The following UBE2R2 variants were observed in gnomAD, a reference collection of about 807,000 sequenced individuals.
UBE2R2 encodes ubiquitin-conjugating enzyme E2 R2.
Under a neutral mutation model 27.8 loss-of-function variants are expected in UBE2R2, and 1 was observed. The observed-to-expected ratio is 0.04, with a 90% CI of 0.01 to 0.17. UBE2R2 has a LOEUF of 0.17. UBE2R2 is among the 10% of genes least tolerant of loss of function. UBE2R2 has a pLI of 1.00. For synonymous variants in UBE2R2, 106 were observed against 113.3 expected (o/e 0.94, Z 0.41); for missense variants, 100 against 291.0 (o/e 0.34, Z 4.78).
intron 4 of UBE2R2, among the ~76,000 whole-genome samples, chr9:33,915,885 T>A (rs1471124751): frequency 1.3e-5 from 2 of 152,094 alleles, no homozygotes; most frequent in Non-Finnish European, 2.9e-5. Context: ...AGGTGATATT[T>A]AAGCCTTAAT....
chr9:33,897,778 T>TC (rs1215605360), intron 2 of UBE2R2, among the ~76,000 whole-genome samples: 2 of 148,808 alleles, frequency 1.3e-5, no homozygotes, highest in Admixed American at 6.7e-5. Context: ...CTTTTTTCTT[T>TC]TTTTTTTTTT....
Position 33,886,882 on chromosome 9 carries a change from C to T in UBE2R2, c.179C>T (p.Ala60Val), listed in dbSNP as rs926251179. The T allele has an allele frequency of 1.3e-6, 2 of 1,577,652 alleles. No homozygotes were observed. The highest frequency in any genetic ancestry group is 1.7e-6 in the Non-Finnish European group (2 of 1,171,236). ...NTLYEGGYFK[A>V]HIKFPIDYPY... is the part of the protein sequence containing the mutation. ...GCATTTCATTTTTTTTCTTTTCAGG[C>T]GCATATTAAATTTCCTATTGACTAC... Residue 60 changes from alanine (A) to valine (V), a missense_variant and splice_region_variant, in exon 2 of 5, where the codon GCG becomes GTG. Ala to Val is a moderately conservative substitution (Grantham distance 64). This residue lies in a region of UBE2R2 where 43 missense variants were observed against 129.2 expected (regional missense o/e 0.33). Coordinates refer to ENST00000263228, the MANE Select transcript of UBE2R2 (RefSeq NM_017811.4).
rs189022969 is a variant in UBE2R2, at chr9:33,913,456, C to G, written c.497+1358C>G. ...ATTATTATTTTTGTAGAGATGAGGT[C>G]TTGCTGTGTTGCCCAGCCTGGTCTT... is the stretch of plus-strand genomic sequence containing the variant. On this transcript the variant is annotated intron_variant, in intron 4 of 4. Coordinates refer to ENST00000263228, the MANE Select transcript of UBE2R2 (RefSeq NM_017811.4). 1.2e-3 allele frequency among the ~76,000 whole-genome samples: 179 copies of G among 152,024 alleles called. 1 individual carries two copies. Among genetic ancestry groups the G allele is most frequent in the African/African-American group, 4.3e-3 (178 of 41,502 alleles).
intron 1 of UBE2R2, among the ~76,000 whole-genome samples, chr9:33,880,824 T>TTG (rs1821717307): frequency 6.6e-6 from 1 of 152,094 alleles, no homozygotes; most frequent in African/African-American, 2.4e-5. Context: ...GGGATCTAGG[T>TTG]TGAGTGTTCC....
chr9:33,866,669 CAG>C (rs1378764925), intron 1 of UBE2R2, among the ~76,000 whole-genome samples: 1 of 152,128 alleles, frequency 6.6e-6, no homozygotes, highest in African/African-American at 2.4e-5. Flanking sequence ...AGAAAATTGC[CAG>C]TACTACAAGA....
chr9:33,826,898 C>T (rs78619288), intron 1 of UBE2R2, among the ~76,000 whole-genome samples: 307 of 152,220 alleles, frequency 2.0e-3, no homozygotes, highest in South Asian at 3.7e-3. Flanking sequence ...GCCTGGACAG[C>T]GTGGTGAAAC....
rs991200022 is a variant in UBE2R2, at chr9:33,876,158, T to A, written c.178-10723T>A. Among the ~76,000 whole-genome samples, 8 of 152,064 alleles carry A rather than the reference T, an allele frequency of 5.3e-5. No homozygotes were observed. The South Asian group carries it at 1.7e-3, about 32-fold the overall frequency. ...AGGTGGATCACCTGAGGTCAGGAGT[T>A]CGAGACCAGCCTGACCAACATGGTG... On this transcript the variant is annotated intron_variant, in intron 1 of 4. Transcript: ENST00000263228.
At chr9:33,831,828 T>G (rs1344680765) in intron 1 of UBE2R2, among the ~76,000 whole-genome samples, 1 of 151,688 alleles carries the variant, frequency 6.6e-6, no homozygotes, top group Non-Finnish European at 1.5e-5. Flanking sequence ...CCCGGTTAAT[T>G]TTTTGTATTT....
At chr9:33,822,906 A>ATTTTTT (rs542620697) in intron 1 of UBE2R2, among the ~76,000 whole-genome samples, 3 of 127,870 alleles carry the variant, frequency 2.3e-5, no homozygotes, top group African/African-American at 5.9e-5. Flanking sequence ...CTTCTTATTA[A>ATTTTTT]TTTTTTTTTT....
At chr9:33,886,300 T>G (rs1821850832) in intron 1 of UBE2R2, among the ~76,000 whole-genome samples, 2 of 152,124 alleles carry the variant, frequency 1.3e-5, no homozygotes, top group African/African-American at 2.4e-5. Context: ...GTGAGGCAAG[T>G]TAAAATTATA....
At chr9:33,821,133 CT>C (rs1187437543) in intron 1 of UBE2R2, among the ~76,000 whole-genome samples, 1 of 152,118 alleles carries the variant, frequency 6.6e-6, no homozygotes, top group Non-Finnish European at 1.5e-5. Context: ...CTAATGAAGA[CT>C]TTTAACAAGT....
In UBE2R2 at chr9:33,817,576, A is replaced by C; in HGVS notation, c.-182A>C. ...CCCGGCCCGGCCTGCGTCGTGTGTG[A>C]GGAGGACCCCGGGCGGGCCCACGGG... On this transcript the variant is annotated 5_prime_UTR_variant, in exon 1 of 5. Coordinates refer to ENST00000263228, the MANE Select transcript of UBE2R2 (RefSeq NM_017811.4). The C allele has an allele frequency of 1.9e-6, 1 of 524,024 alleles. No individual in the cohort carries two copies. Among genetic ancestry groups the C allele is most frequent in the Non-Finnish European group, 2.6e-6 (1 of 392,022 alleles). 32.5% of individuals were successfully genotyped at this position (524,024 alleles called of 1,614,324 possible).
At chr9:33,848,381 A>G (rs1280382473) in intron 1 of UBE2R2, among the ~76,000 whole-genome samples, 1 of 152,064 alleles carries the variant, frequency 6.6e-6, no homozygotes, top group African/African-American at 2.4e-5. Flanking sequence ...TTGTATACAG[A>G]CTTTGCATAC....
chr9:33,910,692 G>C (rs1822464395), intron 3 of UBE2R2, among the ~76,000 whole-genome samples: 1 of 152,174 alleles, frequency 6.6e-6, no homozygotes, highest in African/African-American at 2.4e-5. Context: ...TAGTTCTTCT[G>C]TTTGAAGGAT....
chr9:33,889,142 G>A (rs10971765), intron 2 of UBE2R2, among the ~76,000 whole-genome samples: 1 of 152,086 alleles, frequency 6.6e-6, no homozygotes, highest in Non-Finnish European at 1.5e-5. Context: ...TGTTTCCTAA[G>A]TTCAAACTGA....
chr9:33,911,126 C>T (rs1822473716), intron 3 of UBE2R2, among the ~76,000 whole-genome samples: 1 of 150,454 alleles, frequency 6.6e-6, no homozygotes, highest in Non-Finnish European at 1.5e-5. Flanking sequence ...AACAAAAAAA[C>T]GGCCGGGCGT....
chr9:33,893,075 A>G (rs7019647), intron 2 of UBE2R2, among the ~76,000 whole-genome samples: 49,590 of 152,034 alleles, frequency 0.33, 8,732 homozygotes, highest in African/African-American at 0.46. Context: ...TGTATCCTTC[A>G]TTCATAAATA....
intron 4 of UBE2R2, among the ~76,000 whole-genome samples, chr9:33,912,559 T>C (rs1587485733): frequency 6.7e-6 from 1 of 149,590 alleles, no homozygotes; most frequent in Non-Finnish European, 1.5e-5. Flanking sequence ...GGGAGTTGAA[T>C]GTTGCAGTGA....
At chr9:33,829,083 C>T (rs75388204) in intron 1 of UBE2R2, among the ~76,000 whole-genome samples, 17,933 of 152,000 alleles carry the variant, frequency 0.12, 1,559 homozygotes, top group East Asian at 0.46. Context: ...GTTGGCCAGG[C>T]TGGGATTGAA....
Sources: allele counts gnomAD v4.1 joint callset (sites outside exome capture counted in the v4.1 genomes callset), GRCh38; gene constraint gnomAD v4.1.1; regional missense constraint gnomAD v4.1.1; transcripts MANE v1.5; gene names NCBI Gene and HGNC (gene_info 2026-07-23, HGNC 2026-07-21).